TCERG1L: variants seen among roughly 807,000 people sequenced by gnomAD.
TCERG1L encodes the protein transcription elongation regulator 1-like protein.
A neutral mutation model predicts 56.3 loss-of-function variants in TCERG1L; 37 were observed. That is an observed-to-expected ratio of 0.66 (90% CI 0.51 to 0.87). The LOEUF is 0.87. TCERG1L is among the 40% of genes least tolerant of loss of function. The probability of loss-of-function intolerance (pLI) is 0.00; values close to 1 mark genes in which losing one functional copy is unlikely to be tolerated. For missense variants in TCERG1L, 799 were observed against 774.2 expected (o/e 1.03, Z -0.38); for synonymous variants, 324 against 326.3 (o/e 0.99, Z 0.08).
intron 4 of TCERG1L, among the ~76,000 whole-genome samples, chr10:131,236,598 G>A (rs1845915261): frequency 6.6e-6 from 1 of 152,196 alleles, no homozygotes; most frequent in African/African-American, 2.4e-5. Flanking sequence ...AGTTAAAAAT[G>A]ACATCTATTC....
chr10:131,172,867 T>C (rs1846108103), intron 4 of TCERG1L, among the ~76,000 whole-genome samples: 1 of 151,760 alleles, frequency 6.6e-6, no homozygotes, highest in Non-Finnish European at 1.5e-5. Flanking sequence ...TGCAGAATTG[T>C]TGTAGAGAGA....
At chr10:131,274,711 C>T (rs1846375030) in intron 3 of TCERG1L, among the ~76,000 whole-genome samples, 2 of 152,338 alleles carry the variant, frequency 1.3e-5, no homozygotes, top group South Asian at 4.1e-4. Flanking sequence ...CCTCCCAGGC[C>T]CCAGGAGGGG....
chr10:131,218,085 G>A (rs543737521), intron 4 of TCERG1L, among the ~76,000 whole-genome samples: 1 of 152,250 alleles, frequency 6.6e-6, no homozygotes, highest in East Asian at 1.9e-4. Flanking sequence ...GCCACAGCCA[G>A]TCCCGGTGGC....
intron 8 of TCERG1L, among the ~76,000 whole-genome samples, chr10:131,124,879 A>C (rs1265672552): frequency 6.6e-6 from 1 of 152,122 alleles, no homozygotes. Context: ...TCAACCCTCC[A>C]TTTCTTCCTC....
At chr10:131,165,319 C>A (rs2133434085) in intron 5 of TCERG1L, among the ~76,000 whole-genome samples, 1 of 152,292 alleles carries the variant, frequency 6.6e-6, no homozygotes, top group Middle Eastern at 3.4e-3. Context: ...AGGGCATCTT[C>A]TCGAACATCA....
rs1845652549 is a variant in TCERG1L at position 131,134,468 on chromosome 10, A to G, written c.1190-20T>C. 6.4e-7 allele frequency: 1 copy of G among 1,574,016 alleles called. No homozygotes were observed. The highest frequency in any genetic ancestry group is 8.6e-7 in the Non-Finnish European group (1 of 1,158,506). On this transcript the variant is annotated intron_variant, in intron 7 of 11. Transcript: ENST00000368642. ...TGTCAGCTGAAAGAAAATCAGATGA[A>G]CAGGGTTAGAGTTGTCAGAGCTCAG...
chr10:131,237,437 T>C (rs1234629284), intron 4 of TCERG1L, among the ~76,000 whole-genome samples: 1 of 152,142 alleles, frequency 6.6e-6, no homozygotes, highest in Non-Finnish European at 1.5e-5. Flanking sequence ...GATTTTCCAC[T>C]TACCAAAAAC....
At chr10:131,171,972 A>G (rs1479284109) in intron 4 of TCERG1L, among the ~76,000 whole-genome samples, 1 of 152,268 alleles carries the variant, frequency 6.6e-6, no homozygotes, top group African/African-American at 2.4e-5. Context: ...TCAAAAAGTT[A>G]TTAGAAATAT....
chr10:131,299,134 C>T (rs1846730466), intron 3 of TCERG1L, among the ~76,000 whole-genome samples: 1 of 152,054 alleles, frequency 6.6e-6, no homozygotes, highest in Non-Finnish European at 1.5e-5. Flanking sequence ...AATATTAATA[C>T]AGTCACTTCA....
intron 3 of TCERG1L, among the ~76,000 whole-genome samples, chr10:131,301,989 A>T (rs1378522142): frequency 6.6e-6 from 1 of 152,150 alleles, no homozygotes; most frequent in Non-Finnish European, 1.5e-5. Flanking sequence ...AGATGTAGAC[A>T]GAGCAGCAGC....
chr10:131,109,424 C>T (rs912632912), intron 9 of TCERG1L, among the ~76,000 whole-genome samples: 2 of 152,056 alleles, frequency 1.3e-5, no homozygotes, highest in African/African-American at 4.8e-5. Context: ...GGGTCTGTGA[C>T]CGTGACCATG....
intron 11 of TCERG1L, among the ~76,000 whole-genome samples, chr10:131,097,200 C>CAAAAAAAA (rs1161006867): frequency 1.1e-5 from 1 of 91,052 alleles, no homozygotes; most frequent in Non-Finnish European, 2.1e-5. Flanking sequence ...GGGTCTGTCT[C>CAAAAAAAA]AAAAAAAAAA....
chr10:131,097,751 G>T (rs1440611742), intron 11 of TCERG1L, among the ~76,000 whole-genome samples: 1 of 152,168 alleles, frequency 6.6e-6, no homozygotes, highest in Non-Finnish European at 1.5e-5. Context: ...TTGTAAGTGT[G>T]TCTTATTTCA....
intron 7 of TCERG1L, among the ~76,000 whole-genome samples, chr10:131,141,668 C>T (rs1845740309): frequency 6.6e-6 from 1 of 151,890 alleles, no homozygotes; most frequent in South Asian, 2.1e-4. Flanking sequence ...TCCTTTCCAA[C>T]TTCCCCTCCC....
At chr10:131,108,151 C>G (rs1845373388) in intron 9 of TCERG1L, among the ~76,000 whole-genome samples, 1 of 152,226 alleles carries the variant, frequency 6.6e-6, no homozygotes, top group African/African-American at 2.4e-5. Flanking sequence ...CTCCCTGTTT[C>G]TGGCTGGTAC....
At chr10:131,150,186 G>C (rs1272771066) in intron 6 of TCERG1L, among the ~76,000 whole-genome samples, 1 of 25,660 alleles carries the variant, frequency 3.9e-5, no homozygotes, top group East Asian at 1.6e-3. Context: ...CCTGTGACCT[G>C]GGTACAGCAG....
chr10:131,242,636 G>A (rs969527549), intron 4 of TCERG1L, among the ~76,000 whole-genome samples: 20 of 152,200 alleles, frequency 1.3e-4, no homozygotes, highest in African/African-American at 4.6e-4. Context: ...TTTTTTTCCA[G>A]CTTTGAAATA....
chr10:131,192,788 A>T (rs1184733410), intron 4 of TCERG1L, among the ~76,000 whole-genome samples: 2 of 144,340 alleles, frequency 1.4e-5, no homozygotes, highest in Non-Finnish European at 3.1e-5. Context: ...GTTCTCACTT[A>T]TAAGTGGGAG....
chr10:131,183,692 C>T (rs1184996532), intron 4 of TCERG1L, among the ~76,000 whole-genome samples: 1 of 152,244 alleles, frequency 6.6e-6, no homozygotes, highest in Non-Finnish European at 1.5e-5. Flanking sequence ...CCGCCACTGA[C>T]TCCCCCCTCA....
Sources: gnomAD v4.1 joint callset for allele counts (sites outside exome capture counted in the v4.1 genomes callset) on GRCh38, gnomAD v4.1.1 for gene constraint, MANE v1.5 for transcripts, NCBI Gene and HGNC (gene_info 2026-07-23, HGNC 2026-07-21) for gene names.